USP3: variants seen among roughly 807,000 people sequenced by gnomAD.
USP3 encodes ubiquitin specific peptidase 3.
Under a neutral mutation model 72.3 loss-of-function variants are expected in USP3, and 20 were observed. The ratio of observed to expected loss-of-function variants is 0.28; its 90% CI spans 0.19 to 0.40. USP3 has a LOEUF of 0.40. Ranked by LOEUF, USP3 falls within the 10% of genes least tolerant of loss-of-function variation. The pLI is 1.00. For missense variants in USP3, 479 were observed against 633.9 expected (o/e 0.76, Z 2.62); for synonymous variants, 222 against 225.3 (o/e 0.99, Z 0.13).
At chr15:63,514,254 T>C (rs1007238345) in intron 1 of USP3, among the ~76,000 whole-genome samples, 1 of 152,176 alleles carries the variant, frequency 6.6e-6, no homozygotes, top group African/African-American at 2.4e-5. Flanking sequence ...GTTTTTTTCT[T>C]CGAATATATA....
chr15:63,552,731 T>TCTCTTTCTTTCTCC (rs1464479800), intron 3 of USP3, among the ~76,000 whole-genome samples: 15 of 152,146 alleles, frequency 9.9e-5, no homozygotes, highest in African/African-American at 3.1e-4. Context: ...CCCCTTTCTC[T>TCTCTTTCTTTCTCC]CTCTTTCTTT....
At chr15:63,525,076 T>G (rs890063557) in intron 1 of USP3, among the ~76,000 whole-genome samples, 1 of 152,108 alleles carries the variant, frequency 6.6e-6, no homozygotes, top group Admixed American at 6.5e-5. Flanking sequence ...AGAGACTGAT[T>G]GTCAGGAATA....
chr15:63,520,545 C>G (rs1472724512), intron 1 of USP3, among the ~76,000 whole-genome samples: 1 of 111,406 alleles, frequency 9.0e-6, no homozygotes. Context: ...TGTTTGATTT[C>G]TGTTTTAGAT....
At chr15:63,560,010 A>G (rs2152672848) in intron 7 of USP3, 40 bp downstream of exon 7, 1 of 1,554,940 alleles carries the variant, frequency 6.4e-7, no homozygotes. Context: ...TTTGAGTTAC[A>G]AAACAAATTA....
At chr15:63,520,024 T>G (rs2065899011) in intron 1 of USP3, among the ~76,000 whole-genome samples, 1 of 152,190 alleles carries the variant, frequency 6.6e-6, no homozygotes. Context: ...CATCTTGTAC[T>G]TAGCCTGTTG....
At chr15:63,530,513 A>G (rs2066055526) in intron 1 of USP3, 1 of 356,056 alleles carries the variant, frequency 2.8e-6, no homozygotes, top group Non-Finnish European at 5.5e-6. Flanking sequence ...GAGTTTCACC[A>G]TTTTACCAAA....
At chr15:63,526,614 A>T (rs1241498728) in intron 1 of USP3, among the ~76,000 whole-genome samples, 3 of 152,268 alleles carry the variant, frequency 2.0e-5, no homozygotes, top group South Asian at 4.1e-4. Flanking sequence ...TTGTAGCAGC[A>T]TGTTTGTCTG....
rs142588714 is a variant in USP3 at position 63,510,300 on chromosome 15, A to G, written c.91+5470A>G. Among the ~76,000 whole-genome samples the G allele has an allele frequency of 4.0e-3, 602 of 152,246 alleles. 6 individuals carry two copies. The highest frequency in any genetic ancestry group is 0.013 in the African/African-American group (545 of 41,552). Reference sequence around the variant, plus strand: ...CCTCTTCCATCAGGAGCTGATTAACATGTACATTTCCCCTAACCTAACCTG... The same window carrying G: ...CCTCTTCCATCAGGAGCTGATTAACGTGTACATTTCCCCTAACCTAACCTG... On this transcript the variant is annotated intron_variant, in intron 1 of 14. Transcript: ENST00000380324.
chr15:63,574,534 C>T lies in USP3; in HGVS notation c.1096+131C>T. On this transcript the variant is annotated intron_variant, in intron 11 of 14. Coordinates refer to ENST00000380324, the MANE Select transcript of USP3 (RefSeq NM_006537.4). The surrounding 1 kb of genome is among the most constrained non-coding windows in gnomAD (Gnocchi z 4.6). ...GTGTTGTAACTTAACAAAAGTCAAA[C>T]TTGAATGTCTTTTCCTACTCCCCAA... 1.6e-6 allele frequency: 1 copy of T among 611,674 alleles called. No homozygotes were observed. Among genetic ancestry groups the T allele is most frequent in the South Asian group, 3.5e-5 (1 of 28,236 alleles). 37.9% of individuals were successfully genotyped at this position (611,674 alleles called of 1,614,324 possible).
chr15:63,586,604 C>T (rs1053154733), intron 11 of USP3: 2 of 152,170 alleles, frequency 1.3e-5, no homozygotes, highest in African/African-American at 4.8e-5. Context: ...TCTTTGTAGC[C>T]AGAGATGTAG....
intron 8 of USP3, among the ~76,000 whole-genome samples, chr15:63,566,311 T>C (rs2152675926): frequency 6.6e-6 from 1 of 152,120 alleles, no homozygotes; most frequent in East Asian, 1.9e-4. Context: ...TGCTTTTTTT[T>C]TTTTTAATTT....
intron 3 of USP3, among the ~76,000 whole-genome samples, chr15:63,549,536 T>C (rs2152668319): frequency 6.6e-6 from 1 of 152,348 alleles, no homozygotes; most frequent in Non-Finnish European, 1.5e-5. Flanking sequence ...AAAGCGTTTG[T>C]TGTATTTTTT....
intron 2 of USP3, among the ~76,000 whole-genome samples, chr15:63,535,457 C>T (rs2066141775): frequency 1.3e-5 from 2 of 152,192 alleles, no homozygotes; most frequent in Admixed American, 1.3e-4. Flanking sequence ...CTATTACGTC[C>T]ATTTTACAAA....
intron 11 of USP3, among the ~76,000 whole-genome samples, chr15:63,582,158 G>C (rs960481660): frequency 6.6e-6 from 1 of 152,166 alleles, no homozygotes; most frequent in South Asian, 2.1e-4. Flanking sequence ...TTTTAGGGCC[G>C]GGTATGGTGG....
chr15:63,572,921 A>C (rs1301027408), intron 9 of USP3, among the ~76,000 whole-genome samples: 1 of 152,212 alleles, frequency 6.6e-6, no homozygotes, highest in Non-Finnish European at 1.5e-5. Flanking sequence ...CTCATCTACA[A>C]CATGGGGCTA....
At chr15:63,512,341 TTCCTCCTCTTCC>T (rs2065798391) in intron 1 of USP3, among the ~76,000 whole-genome samples, 3 of 72,644 alleles carry the variant, frequency 4.1e-5, no homozygotes, top group Non-Finnish European at 7.8e-5. Context: ...CTTCCTCCTC[TTCCTCCTCTTCC>T]TCTTCTTCTT....
At chr15:63,531,436 C>T (rs889472985) in intron 1 of USP3, among the ~76,000 whole-genome samples, 1 of 152,274 alleles carries the variant, frequency 6.6e-6, no homozygotes, top group African/African-American at 2.4e-5. Flanking sequence ...AACTCCATTA[C>T]CTGTAATTTC....
intron 1 of USP3, among the ~76,000 whole-genome samples, chr15:63,510,770 C>G (rs927911353): frequency 1.3e-5 from 2 of 152,118 alleles, no homozygotes; most frequent in African/African-American, 4.8e-5. Flanking sequence ...GCTTGTTCAT[C>G]TTACCTAGAA....
Position 63,574,722 on chromosome 15 carries a change from T to C in USP3, c.1096+319T>C, listed in dbSNP as rs1595763775. ...TTATTCTGTGGTTATCCCACTAGCATCTATAGGAAGAAAGAATACTCAGCA... is the reference window on the plus strand; with the variant it reads ...TTATTCTGTGGTTATCCCACTAGCACCTATAGGAAGAAAGAATACTCAGCA... On this transcript the variant is annotated intron_variant, in intron 11 of 14. Transcript: ENST00000380324. The surrounding 1 kb of genome is among the most constrained non-coding windows in gnomAD (Gnocchi z 4.6). Among the ~76,000 whole-genome samples, 1 of 152,224 alleles carries C rather than the reference T, an allele frequency of 6.6e-6. No homozygotes were observed. Among genetic ancestry groups the C allele is most frequent in the African/African-American group, 2.4e-5 (1 of 41,460 alleles).
Sources: gnomAD v4.1 joint callset for allele counts (sites outside exome capture counted in the v4.1 genomes callset) on GRCh38, gnomAD v4.1.1 for gene constraint, Gnocchi (gnomAD v3.1) non-coding constraint, MANE v1.5 for transcripts, NCBI Gene and HGNC (gene_info 2026-07-23, HGNC 2026-07-21) for gene names.